The following ANO10 variants were observed in gnomAD, a reference collection of about 807,000 sequenced individuals.
ANO10 encodes anoctamin-10.
A neutral mutation model predicts 74.7 loss-of-function variants in ANO10; 77 were observed. That is an observed-to-expected ratio of 1.03 (90% CI 0.86 to 1.25). The LOEUF (loss-of-function observed/expected upper bound fraction) is 1.25, where lower values mean the gene tolerates loss of function less well. ANO10 is among the 50% of genes most tolerant of loss of function. ANO10 has a pLI of 0.00. For synonymous variants in ANO10, 279 were observed against 284.9 expected (o/e 0.98, Z 0.21); for missense variants, 721 against 778.1 (o/e 0.93, Z 0.87).
intron 11 of ANO10, among the ~76,000 whole-genome samples, chr3:43,448,166 A>G (rs2086653): frequency 0.22 from 33,794 of 152,114 alleles, 4,290 homozygotes; most frequent in Middle Eastern, 0.36. Context: ...TGGACTTCTC[A>G]ACTTCCGGAA....
chr3:43,457,785 A>C (rs1352589355), intron 11 of ANO10, among the ~76,000 whole-genome samples: 5 of 152,180 alleles, frequency 3.3e-5, no homozygotes, highest in African/African-American at 1.2e-4. Flanking sequence ...CAAGGAGGAG[A>C]TCAGTACCAG....
At chr3:43,422,252 G>A (rs992104727) in intron 12 of ANO10, among the ~76,000 whole-genome samples, 10 of 152,110 alleles carry the variant, frequency 6.6e-5, no homozygotes, top group Non-Finnish European at 1.0e-4. Context: ...GAGTAGCTGG[G>A]ATTACAGGTG....
chr3:43,369,965 C>T (rs947707168), intron 12 of ANO10, among the ~76,000 whole-genome samples: 6 of 152,194 alleles, frequency 3.9e-5, no homozygotes, highest in African/African-American at 1.2e-4. Flanking sequence ...TACTCATTAC[C>T]GGCTGGCTGG....
intron 12 of ANO10, among the ~76,000 whole-genome samples, chr3:43,378,236 G>A (rs1309794187): frequency 6.6e-6 from 1 of 152,206 alleles, no homozygotes; most frequent in Non-Finnish European, 1.5e-5. Flanking sequence ...AGTAGGAGCA[G>A]CTGCCAAAGG....
chr3:43,373,956 C>T (rs1384643679), intron 12 of ANO10, among the ~76,000 whole-genome samples: 1 of 152,238 alleles, frequency 6.6e-6, no homozygotes, highest in Non-Finnish European at 1.5e-5. Flanking sequence ...CTTTCATGTT[C>T]TATCAGTGGA....
At chr3:43,464,003 CTCTT>C (rs1470122373) in intron 11 of ANO10, among the ~76,000 whole-genome samples, 1 of 152,198 alleles carries the variant, frequency 6.6e-6, no homozygotes, top group Non-Finnish European at 1.5e-5. Context: ...CAAGCTCTCT[CTCTT>C]TGCCTACTAC....
At chr3:43,607,960 G>A (rs2082640737) in intron 1 of ANO10, among the ~76,000 whole-genome samples, 2 of 151,976 alleles carry the variant, frequency 1.3e-5, no homozygotes. Context: ...GAGCCCTGAG[G>A]ACAAAAAATG....
intron 8 of ANO10, 75 bp from the exon 9 acceptor site, chr3:43,561,477 A>G: frequency 7.8e-7 from 1 of 1,276,078 alleles, no homozygotes; most frequent in African/African-American, 1.5e-5. Flanking sequence ...AATTATATAT[A>G]AATTAAACTA....
chr3:43,581,888 T>G (rs1315198295), intron 4 of ANO10, among the ~76,000 whole-genome samples: 1 of 147,460 alleles, frequency 6.8e-6, no homozygotes, highest in African/African-American at 2.5e-5. Flanking sequence ...ATAATGCCAC[T>G]GCAGTCCGGC....
intron 1 of ANO10, among the ~76,000 whole-genome samples, chr3:43,673,787 G>C (rs549684351): frequency 6.6e-6 from 1 of 151,972 alleles, no homozygotes; most frequent in Non-Finnish European, 1.5e-5. Flanking sequence ...CCAAATCATC[G>C]CGACTTTAAA....
chr3:43,664,770 T>A (rs2083967916), intron 1 of ANO10, among the ~76,000 whole-genome samples: 1 of 151,950 alleles, frequency 6.6e-6, no homozygotes, highest in Non-Finnish European at 1.5e-5. Flanking sequence ...AACAGACATA[T>A]GAAAAAATGC....
At chr3:43,596,663 G>A (rs2082101836) in intron 4 of ANO10, among the ~76,000 whole-genome samples, 1 of 152,144 alleles carries the variant, frequency 6.6e-6, no homozygotes, top group African/African-American at 2.4e-5. Flanking sequence ...AAAAACCCTA[G>A]AAGAAAACCT....
chr3:43,518,734 G>A (rs911913433), intron 11 of ANO10, among the ~76,000 whole-genome samples: 1 of 152,024 alleles, frequency 6.6e-6, no homozygotes, highest in Non-Finnish European at 1.5e-5. Flanking sequence ...CTCCTGTAGT[G>A]CCCCCAGGCC....
intron 12 of ANO10, among the ~76,000 whole-genome samples, chr3:43,410,062 G>A (rs1162301995): frequency 3.9e-5 from 6 of 151,974 alleles, no homozygotes; most frequent in Non-Finnish European, 5.9e-5. Flanking sequence ...CATGCCAATC[G>A]CTTTGGAAAA....
intron 12 of ANO10, among the ~76,000 whole-genome samples, chr3:43,417,093 G>A (rs2092750951): frequency 6.6e-6 from 1 of 152,168 alleles, no homozygotes; most frequent in Non-Finnish European, 1.5e-5. Flanking sequence ...GGGTACAGAA[G>A]TCCTCAGTAA....
At chr3:43,675,303 GATCCTCAA>G (rs2084109204) in intron 1 of ANO10, among the ~76,000 whole-genome samples, 1 of 152,032 alleles carries the variant, frequency 6.6e-6, no homozygotes, top group African/African-American at 2.4e-5. Flanking sequence ...AGAAACACAG[GATCCTCAA>G]GACCTCAAGC....
intron 12 of ANO10, among the ~76,000 whole-genome samples, chr3:43,405,166 T>G (rs1183331284): frequency 6.6e-6 from 1 of 152,252 alleles, no homozygotes; most frequent in East Asian, 1.9e-4. Flanking sequence ...TTGCCTAGCT[T>G]TTCTGGCAAA....
intron 1 of ANO10, among the ~76,000 whole-genome samples, chr3:43,647,886 A>C (rs550450296): frequency 5.9e-5 from 9 of 152,312 alleles, no homozygotes; most frequent in African/African-American, 2.2e-4. Context: ...TGTAGGGATT[A>C]AACAAGTTTA....
chr3:43,614,801 A>ATATATATATATATAGATG lies in ANO10; in HGVS notation c.-12+7107_-12+7108insCATCTATATATATATATA, dbSNP rs61457264. Among the ~76,000 whole-genome samples, 2 of 99,386 alleles carry ATATATATATATATAGATG rather than the reference A, an allele frequency of 2.0e-5. 1 individual carries two copies. The highest frequency in any genetic ancestry group is 6.4e-5 in the African/African-American group (2 of 31,060). The allele number at this position is 99,386 out of a possible 152,430, so 65.2% of individuals were successfully genotyped here. On this transcript the variant is annotated intron_variant, in intron 1 of 12. Transcript: ENST00000292246. Reference sequence around the variant, plus strand: ...TATATATATATATATATATATATATATAGGTTCATTACAGTTTTTTATGGA... The same window carrying ATATATATATATATAGATG: ...TATATATATATATATATATATATATATATATATATATATAGATGTAGGTTCATTACAGTTTTTTATGGA...
Sources: allele counts gnomAD v4.1 joint callset (sites outside exome capture counted in the v4.1 genomes callset), GRCh38; gene constraint gnomAD v4.1.1; transcripts MANE v1.5; gene names NCBI Gene and HGNC (gene_info 2026-07-23, HGNC 2026-07-21).